Variants in WSB2 observed in about 807,000 individuals in gnomAD.
WSB2 encodes the protein WD repeat and SOCS box-containing protein 2.
A neutral mutation model predicts 48.8 loss-of-function variants in WSB2; 12 were observed. The observed-to-expected ratio is 0.25, with a 90% CI of 0.16 to 0.40. WSB2 has a LOEUF of 0.40. Ranked by LOEUF, WSB2 falls within the 10% of genes least tolerant of loss-of-function variation. The pLI is 1.00. For synonymous variants in WSB2, 191 were observed against 203.1 expected (o/e 0.94, Z 0.51); for missense variants, 317 against 506.2 (o/e 0.63, Z 3.59).
chr12:118,035,415 G>T, intron 6 of WSB2, 91 bp from the exon 7 acceptor site: 1 of 1,096,524 alleles, frequency 9.1e-7, no homozygotes, highest in Non-Finnish European at 1.4e-6. Context: ...AAACTGCCCT[G>T]GCTACAAAAG....
intron 2 of WSB2, 78 bp from the exon 3 acceptor site, chr12:118,043,455 CTT>C (rs900367135): frequency 7.3e-6 from 11 of 1,503,546 alleles, no homozygotes; most frequent in Non-Finnish European, 9.7e-6. Flanking sequence ...ACACGTAAGA[CTT>C]TTGGGGAGTG....
At chr12:118,034,584 T>TCTCTC (rs2031459723) in intron 8 of WSB2, 1 of 520,578 alleles carries the variant, frequency 1.9e-6, no homozygotes, top group Non-Finnish European at 3.3e-6. Flanking sequence ...GCTCTCTCTG[T>TCTCTC]CTCTCTCTCG....
At chr12:118,056,783 C>T (rs902175877) in intron 1 of WSB2, among the ~76,000 whole-genome samples, 2 of 151,962 alleles carry the variant, frequency 1.3e-5, no homozygotes, top group Non-Finnish European at 2.9e-5. Context: ...CGCCTGTAGT[C>T]GCAGCTACTC....
Position 118,034,004 on chromosome 12 carries a change from G to A in WSB2, c.*192C>T, listed in dbSNP as rs141381417. ...GTGCAAGTGGAATCTCTTCCTCTAAGACTGACTTTCACATGCCAGGGAGAG... is the reference window on the plus strand; with the variant it reads ...GTGCAAGTGGAATCTCTTCCTCTAAAACTGACTTTCACATGCCAGGGAGAG... On this transcript the variant is annotated 3_prime_UTR_variant, in exon 9 of 9. Transcript: ENST00000315436. 217 of 727,410 alleles carry A rather than the reference G, an allele frequency of 3.0e-4. No individual in the cohort carries two copies. In the East Asian group the frequency reaches 5.8e-3, roughly 19 times the overall value. The allele number at this position is 727,410 out of a possible 1,614,324, so 45.1% of individuals were successfully genotyped here.
rs149035616 is a variant in WSB2 at position 118,060,345 on chromosome 12, C to G, written c.13+691G>C. Among the ~76,000 whole-genome samples the G allele has an allele frequency of 0.014, 2,170 of 152,234 alleles. 39 individuals are homozygous for G. Among genetic ancestry groups the G allele is most frequent in the Middle Eastern group, 0.071 (21 of 294 alleles). ...GTTAACAAGAATAGAGGCAAGGTCC[C>G]CACCCATCAGTGTATCCTAAATTTG... On this transcript the variant is annotated intron_variant, in intron 1 of 8. Transcript: ENST00000315436. This position sits in a 1 kb window ranked among gnomAD's most constrained non-coding sequence, Gnocchi z 4.1.
chr12:118,040,153 A>G lies in WSB2; in HGVS notation c.560-1765T>C, dbSNP rs117266864. ...GCAGCATTGCACTCCAGCCCATGCAACACAGTGAGACTCTGTCTCAAAAAA... is the reference window on the plus strand; with the variant it reads ...GCAGCATTGCACTCCAGCCCATGCAGCACAGTGAGACTCTGTCTCAAAAAA... On this transcript the variant is annotated intron_variant, in intron 4 of 8. Transcript: ENST00000315436. 2.4e-3 allele frequency among the ~76,000 whole-genome samples: 358 copies of G among 152,202 alleles called. 3 individuals are homozygous for G. The Middle Eastern group carries it at 0.044, about 19-fold the overall frequency.
chr12:118,052,290 C>T lies in WSB2; in HGVS notation c.182+20G>A, dbSNP rs2031868515. On this transcript the variant is annotated intron_variant, in intron 2 of 8. Coordinates refer to ENST00000315436, the MANE Select transcript of WSB2 (RefSeq NM_018639.5). ...TGTTTGGAAATGCGCCGGATGGGGC[C>T]CCAGTACGAGAATACTTACAACTGC... The T allele has an allele frequency of 6.2e-7, 1 of 1,607,562 alleles. No individual in the cohort carries two copies. Among genetic ancestry groups the T allele is most frequent in the Non-Finnish European group, 8.5e-7 (1 of 1,174,782 alleles).
intron 8 of WSB2, 126 bp from the exon 9 acceptor site, chr12:118,034,484 G>T: frequency 8.6e-7 from 1 of 1,157,418 alleles, no homozygotes; most frequent in Non-Finnish European, 1.2e-6. Flanking sequence ...ATGTAACCCT[G>T]ACTGTGGAAA....
In WSB2 at chr12:118,052,293, A is replaced by G; in HGVS notation, c.182+17T>C. On this transcript the variant is annotated intron_variant, in intron 2 of 8. Coordinates refer to ENST00000315436, the MANE Select transcript of WSB2 (RefSeq NM_018639.5). ...TTGGAAATGCGCCGGATGGGGCCCCAGTACGAGAATACTTACAACTGCTCC... is the reference window on the plus strand; with the variant it reads ...TTGGAAATGCGCCGGATGGGGCCCCGGTACGAGAATACTTACAACTGCTCC... The G allele has an allele frequency of 1.9e-6, 3 of 1,608,740 alleles. No individual in the cohort carries two copies. The highest frequency in any genetic ancestry group is 2.2e-5 in the South Asian group (2 of 91,020).
chr12:118,037,121 G>A (rs1255287618), intron 5 of WSB2, among the ~76,000 whole-genome samples: 3 of 152,170 alleles, frequency 2.0e-5, no homozygotes, highest in African/African-American at 7.2e-5. Context: ...GGTGGAGGTT[G>A]CAGTGACCTG....
chr12:118,036,541 C>T (rs1392281019), intron 5 of WSB2, 31 bp from the exon 6 acceptor site: 1 of 1,589,262 alleles, frequency 6.3e-7, no homozygotes, highest in African/African-American at 1.3e-5. Flanking sequence ...CTGGTTAGGG[C>T]AGAAGCAAAG....
At chr12:118,057,590 TGATA>T (rs2031980226) in intron 1 of WSB2, among the ~76,000 whole-genome samples, 1 of 152,136 alleles carries the variant, frequency 6.6e-6, no homozygotes, top group African/African-American at 2.4e-5. Flanking sequence ...TTTTTTAAAC[TGATA>T]AATAAAAATT....
At chr12:118,043,891 T>A (rs1241559599) in intron 2 of WSB2, among the ~76,000 whole-genome samples, 3 of 151,482 alleles carry the variant, frequency 2.0e-5, no homozygotes, top group Non-Finnish European at 4.4e-5. Context: ...CTAAGGCAGG[T>A]GGATCGCCTG....
At chr12:118,053,131 C>T (rs1191596677) in intron 1 of WSB2, among the ~76,000 whole-genome samples, 1 of 152,150 alleles carries the variant, frequency 6.6e-6, no homozygotes, top group African/African-American at 2.4e-5. Flanking sequence ...AATACCCACA[C>T]ATCACATCAT....
At chr12:118,052,559 T>C in intron 1 of WSB2, 81 bp from the exon 2 acceptor site, 3 of 1,583,544 alleles carry the variant, frequency 1.9e-6, no homozygotes, top group Non-Finnish European at 8.6e-7. Context: ...ACTGTCTCCC[T>C]GTGGCAAAGA....
intron 4 of WSB2, chr12:118,042,395 G>A (rs1345453455): frequency 5.9e-6 from 1 of 169,838 alleles, no homozygotes; most frequent in Non-Finnish European, 1.3e-5. Flanking sequence ...GAATGCACAG[G>A]AGAGCCCACG....
chr12:118,033,925 TCAA>T lies in WSB2; in HGVS notation c.*268_*270del. 2.3e-6 allele frequency: 1 copy of T among 438,820 alleles called. No homozygotes were observed. Among genetic ancestry groups the T allele is most frequent in the Non-Finnish European group, 4.2e-6 (1 of 239,816 alleles). 27.2% of individuals were successfully genotyped at this position (438,820 alleles called of 1,614,324 possible). Reference sequence around the variant, plus strand: ...TTGAATCAAAACAAGCAGAAAGAGTTCAACACTTGCTGTTCATAACTGGACTGA... The same window carrying T: ...TTGAATCAAAACAAGCAGAAAGAGTTCACTTGCTGTTCATAACTGGACTGA... On this transcript the variant is annotated 3_prime_UTR_variant, in exon 9 of 9. Coordinates refer to ENST00000315436, the MANE Select transcript of WSB2 (RefSeq NM_018639.5).
intron 5 of WSB2, among the ~76,000 whole-genome samples, chr12:118,037,666 C>CT (rs146098590): frequency 2.6e-4 from 34 of 130,072 alleles, no homozygotes; most frequent in Admixed American, 1.4e-3. Context: ...GAAACTCTGT[C>CT]TAAAAAAAAA....
At chr12:118,058,375 T>C (rs1175240160) in intron 1 of WSB2, among the ~76,000 whole-genome samples, 1 of 152,012 alleles carries the variant, frequency 6.6e-6, no homozygotes. Context: ...TGAGACAGGG[T>C]CTTGCTCTGT....
Sources: gnomAD v4.1 joint callset for allele counts (sites outside exome capture counted in the v4.1 genomes callset) on GRCh38, gnomAD v4.1.1 for gene constraint, Gnocchi (gnomAD v3.1) non-coding constraint, MANE v1.5 for transcripts, NCBI Gene and HGNC (gene_info 2026-07-23, HGNC 2026-07-21) for gene names.